The following NLGN1 variants were observed in gnomAD, a reference collection of about 807,000 sequenced individuals.
The protein encoded by NLGN1 is neuroligin 1.
NLGN1 carries 12 observed loss-of-function variants against 65.5 expected under a neutral mutation model. The observed-to-expected ratio is 0.18, with a 90% confidence interval of 0.12 to 0.30. NLGN1 has a LOEUF of 0.30. Among genes scored for constraint, NLGN1 ranks in the 10% least tolerant of loss-of-function variants. The probability of loss-of-function intolerance (pLI) is 1.00; values close to 1 mark genes in which losing one functional copy is unlikely to be tolerated. For synonymous variants in NLGN1, 350 were observed against 359.5 expected (o/e 0.97, Z 0.30); for missense variants, 750 against 1,007.1 (o/e 0.74, Z 3.46).
chr3:173,830,358 G>T (rs919257604), intron 4 of NLGN1, among the ~76,000 whole-genome samples: 1 of 152,118 alleles, frequency 6.6e-6, no homozygotes. Context: ...ATGATAAAAT[G>T]GGTCTATAAT....
intron 4 of NLGN1, among the ~76,000 whole-genome samples, chr3:173,990,253 T>C (rs1193072602): frequency 6.6e-6 from 1 of 152,196 alleles, no homozygotes; most frequent in African/African-American, 2.4e-5. Flanking sequence ...CTTAGGGTGC[T>C]AGGCAACCTC....
At chr3:173,936,526 C>T (rs539762166) in intron 4 of NLGN1, among the ~76,000 whole-genome samples, 1 of 152,146 alleles carries the variant, frequency 6.6e-6, no homozygotes, top group East Asian at 1.9e-4. Context: ...CAGATGGCAA[C>T]CCTTGGACGT....
At chr3:173,673,807 G>A (rs1177188428) in intron 3 of NLGN1, among the ~76,000 whole-genome samples, 4 of 151,908 alleles carry the variant, frequency 2.6e-5, no homozygotes, top group Non-Finnish European at 4.4e-5. Flanking sequence ...TGGACAAAAC[G>A]CACAAACAAA....
At chr3:173,961,168 A>G (rs1276401352) in intron 4 of NLGN1, among the ~76,000 whole-genome samples, 1 of 152,142 alleles carries the variant, frequency 6.6e-6, no homozygotes. Context: ...GAAGTATAGA[A>G]TATAAAATAT....
chr3:173,888,084 C>T (rs970807187), intron 4 of NLGN1, among the ~76,000 whole-genome samples: 2 of 151,942 alleles, frequency 1.3e-5, no homozygotes, highest in Non-Finnish European at 2.9e-5. Context: ...ATATAATGCA[C>T]ATAATAAAAT....
chr3:174,072,279 C>T (rs1740061565), intron 4 of NLGN1, among the ~76,000 whole-genome samples: 1 of 151,960 alleles, frequency 6.6e-6, no homozygotes, highest in Non-Finnish European at 1.5e-5. Flanking sequence ...ACAAGAACTC[C>T]CCATCCTAAG....
intron 3 of NLGN1, among the ~76,000 whole-genome samples, chr3:173,709,054 C>T (rs1288961705): frequency 6.6e-6 from 1 of 152,136 alleles, no homozygotes; most frequent in Non-Finnish European, 1.5e-5. Flanking sequence ...ACAAAGCATA[C>T]CAAATAATTT....
At position 173,628,469 on chromosome 3, in the gene NLGN1, A is replaced by G. The variant is rs1755149238; in HGVS notation, c.493+23378A>G. ...AATAAAGAAGTCAATGTAAATATGC[A>G]CATAAAAAGAGAAGTTAGAGAATAC... On this transcript the variant is annotated intron_variant, in intron 3 of 6. Transcript: ENST00000457714. 2.6e-5 allele frequency among the ~76,000 whole-genome samples: 4 copies of G among 152,268 alleles called. No homozygotes were observed. The South Asian group carries it at 8.3e-4, about 32-fold the overall frequency.
At chr3:173,726,255 A>G (rs1480077101) in intron 3 of NLGN1, among the ~76,000 whole-genome samples, 2 of 151,730 alleles carry the variant, frequency 1.3e-5, no homozygotes, top group Non-Finnish European at 2.9e-5. Context: ...AGGAAGGAGT[A>G]AAATTTTGGT....
chr3:173,809,446 A>G (rs969969567), intron 4 of NLGN1, among the ~76,000 whole-genome samples: 4 of 152,078 alleles, frequency 2.6e-5, no homozygotes, highest in Non-Finnish European at 4.4e-5. Flanking sequence ...TATTTTTCTA[A>G]TTTTTAAGTT....
chr3:173,916,338 C>CATAGATATA (rs1740723356), intron 4 of NLGN1, among the ~76,000 whole-genome samples: 1 of 152,054 alleles, frequency 6.6e-6, no homozygotes, highest in Admixed American at 6.6e-5. Context: ...CTATGGCATA[C>CATAGATATA]TACAAATATT....
intron 3 of NLGN1, among the ~76,000 whole-genome samples, chr3:173,802,055 G>A (rs1234160360): frequency 6.6e-6 from 1 of 152,006 alleles, no homozygotes; most frequent in Non-Finnish European, 1.5e-5. Context: ...GTGTATCTTT[G>A]TAAAGGCCAA....
chr3:173,818,169 A>G (rs1042868996), intron 4 of NLGN1, among the ~76,000 whole-genome samples: 13 of 152,242 alleles, frequency 8.5e-5, no homozygotes, highest in African/African-American at 2.9e-4. Flanking sequence ...TGGTGTTTAC[A>G]ATGTTAAAAA....
intron 4 of NLGN1, among the ~76,000 whole-genome samples, chr3:174,132,363 T>C (rs979775435): frequency 1.2e-4 from 18 of 152,340 alleles, no homozygotes; most frequent in African/African-American, 4.1e-4. Context: ...CAAACCCATC[T>C]CCGAAAGGTA....
intron 3 of NLGN1, among the ~76,000 whole-genome samples, chr3:173,638,212 A>G (rs1756894623): frequency 1.3e-5 from 2 of 150,976 alleles, no homozygotes; most frequent in African/African-American, 2.4e-5. Flanking sequence ...TTATGTAGCC[A>G]TAAAGGTGAA....
chr3:174,252,773 G>A (rs1157354077), intron 4 of NLGN1, among the ~76,000 whole-genome samples: 1 of 152,154 alleles, frequency 6.6e-6, no homozygotes, highest in Admixed American at 6.5e-5. Context: ...CCACCCCAGA[G>A]ATTCTAAGCC....
chr3:174,173,410 T>C (rs971684514), intron 4 of NLGN1, among the ~76,000 whole-genome samples: 2 of 152,072 alleles, frequency 1.3e-5, no homozygotes, highest in African/African-American at 2.4e-5. Context: ...AGGCTTTCAG[T>C]TTTTCCGCTT....
At chr3:173,837,466 G>C (rs1299451842) in intron 4 of NLGN1, among the ~76,000 whole-genome samples, 1 of 152,052 alleles carries the variant, frequency 6.6e-6, no homozygotes, top group Non-Finnish European at 1.5e-5. Flanking sequence ...TTAATAGCAT[G>C]TCTATTATAA....
intron 4 of NLGN1, among the ~76,000 whole-genome samples, chr3:174,114,070 A>G (rs1370823701): frequency 6.6e-6 from 1 of 152,160 alleles, no homozygotes; most frequent in Non-Finnish European, 1.5e-5. Flanking sequence ...TAAGTGGTAC[A>G]AAAATTAGCT....
Sources: allele counts gnomAD v4.1 joint callset (sites outside exome capture counted in the v4.1 genomes callset), GRCh38; gene constraint gnomAD v4.1.1; transcripts MANE v1.5; gene names NCBI Gene and HGNC (gene_info 2026-07-23, HGNC 2026-07-21).